SULF2: variants seen among roughly 807,000 people sequenced by gnomAD.
The protein encoded by SULF2 is sulfatase 2, also known as extracellular sulfatase Sulf-2.
SULF2 carries 52 observed loss-of-function variants against 107.7 expected under a neutral mutation model. The observed-to-expected ratio is 0.48, with a 90% confidence interval of 0.39 to 0.61. The LOEUF (loss-of-function observed/expected upper bound fraction) is 0.61, where lower values mean the gene tolerates loss of function less well. SULF2 is among the 20% of genes least tolerant of loss of function. The pLI, the probability that SULF2 is intolerant of heterozygous loss-of-function variation, is 0.00. For missense variants in SULF2, 993 were observed against 1,177.3 expected, an observed-to-expected ratio of 0.84 and a Z score of 2.29; for synonymous variants, 460 against 464.3, an observed-to-expected ratio of 0.99 and a Z score of 0.12.
At chr20:47,781,347 G>C (rs1439135014) in intron 1 of SULF2, among the ~76,000 whole-genome samples, 1 of 152,252 alleles carries the variant, frequency 6.6e-6, no homozygotes, top group Non-Finnish European at 1.5e-5. Context: ...TTTCACTGGG[G>C]ACTCCCCGTG....
rs142240427 is a variant in SULF2 at position 47,678,723 on chromosome 20, G to T, written c.1146C>A (p.Asp382Glu). 2 of 1,613,946 alleles carry T rather than the reference G, an allele frequency of 1.2e-6. No homozygotes were observed. The highest frequency in any genetic ancestry group is 1.7e-6 in the Non-Finnish European group (2 of 1,180,000). ...CCAGCAGCTTGAGGATGGATTTCCC[G>T]TCCATATCCGCAGGTATGTCCAGGC... The part of the protein sequence containing the change: ...IAGLDIPADM[D>E]GKSILKLLDT... The change falls in exon 8 of 21, where the codon GAC (aspartate) becomes GAA (glutamate). Residue 382 changes from aspartate (D) to glutamate (E), a missense_variant. Coordinates refer to ENST00000688720, the MANE Select transcript of SULF2 (RefSeq NM_001387048.1). The surrounding 1 kb of genome is among the most constrained non-coding windows in gnomAD (Gnocchi z 4.5).
chr20:47,752,315 G>A (rs2090174749), intron 2 of SULF2, among the ~76,000 whole-genome samples: 1 of 152,202 alleles, frequency 6.6e-6, no homozygotes, highest in Non-Finnish European at 1.5e-5. Context: ...GTAAACTGAG[G>A]CACAGAGAGG....
At chr20:47,736,633 G>A (rs2146786247) in intron 3 of SULF2, 70 bp downstream of exon 3, 2 of 1,593,414 alleles carry the variant, frequency 1.3e-6, no homozygotes, top group East Asian at 2.3e-5. Context: ...GCAGTGGTGT[G>A]CAGACCACAC....
intron 10 of SULF2, among the ~76,000 whole-genome samples, chr20:47,675,701 TG>T (rs2087617362): frequency 6.6e-6 from 1 of 152,170 alleles, no homozygotes; most frequent in East Asian, 1.9e-4. Flanking sequence ...CGGCACCCCT[TG>T]GGCCAGCCAA....
intron 15 of SULF2, 34 bp downstream of exon 15, chr20:47,664,096 G>C: frequency 6.2e-7 from 1 of 1,608,948 alleles, no homozygotes; most frequent in Non-Finnish European, 8.5e-7. Context: ...GCAGGCCTCT[G>C]CATCTCTTCC....
At chr20:47,744,021 C>T (rs912102581) in intron 2 of SULF2, among the ~76,000 whole-genome samples, 2 of 152,140 alleles carry the variant, frequency 1.3e-5, no homozygotes, top group Admixed American at 6.6e-5. Flanking sequence ...CTGGTGCTTC[C>T]GTGTGAGTAA....
chr20:47,766,503 T>G (rs529017580), intron 1 of SULF2, among the ~76,000 whole-genome samples: 7 of 152,150 alleles, frequency 4.6e-5, no homozygotes, highest in Non-Finnish European at 7.4e-5. Context: ...GGCATAAAGA[T>G]TGTAGGGCAA....
chr20:47,673,609 C>CT (rs967519029), intron 10 of SULF2, among the ~76,000 whole-genome samples: 10 of 152,272 alleles, frequency 6.6e-5, no homozygotes, highest in African/African-American at 2.4e-4. Context: ...GAGGCTGAAT[C>CT]TAATTGCATT....
intron 5 of SULF2, among the ~76,000 whole-genome samples, chr20:47,687,235 G>C (rs2088037652): frequency 6.6e-6 from 1 of 152,152 alleles, no homozygotes; most frequent in South Asian, 2.1e-4. Context: ...ACTGAGGCCA[G>C]AAGGCAGCAG....
At chr20:47,774,373 G>A (rs1452363724) in intron 1 of SULF2, among the ~76,000 whole-genome samples, 1 of 152,220 alleles carries the variant, frequency 6.6e-6, no homozygotes, top group East Asian at 1.9e-4. Context: ...GGTGAGGCGG[G>A]GTCTGGGAGG....
chr20:47,737,750 T>C lies in SULF2; in HGVS notation c.176-808A>G, dbSNP rs1600613591. Among the ~76,000 whole-genome samples the C allele has an allele frequency of 6.1e-5, 8 of 131,966 alleles. No individual in the cohort carries two copies. In the South Asian group the frequency reaches 1.9e-3, roughly 32 times the overall value. 86.6% of individuals were successfully genotyped at this position (131,966 alleles called of 152,430 possible). On this transcript the variant is annotated intron_variant, in intron 2 of 20. Transcript: ENST00000688720. ...CATGCCTGCTCTTGTTTCTTTCTTT[T>C]CTTTGTTTTTTTTTTTTTTTTTTTT...
chr20:47,707,376 C>T (rs1442136720), intron 3 of SULF2, among the ~76,000 whole-genome samples: 1 of 152,150 alleles, frequency 6.6e-6, no homozygotes, highest in Non-Finnish European at 1.5e-5. Flanking sequence ...CTTTTATCTC[C>T]CCTACACCAG....
At chr20:47,695,536 T>C (rs909497028) in intron 4 of SULF2, among the ~76,000 whole-genome samples, 4 of 152,228 alleles carry the variant, frequency 2.6e-5, no homozygotes, top group Admixed American at 1.3e-4. Flanking sequence ...CATGCAGTAT[T>C]TGTCCTTCTG....
chr20:47,718,587 G>A (rs1480698457), intron 3 of SULF2, among the ~76,000 whole-genome samples: 1 of 152,190 alleles, frequency 6.6e-6, no homozygotes, highest in Non-Finnish European at 1.5e-5. Context: ...GACCACAATC[G>A]TGGCAGGCGA....
In SULF2 at chr20:47,665,269, T is replaced by G; in HGVS notation, c.1927A>C (p.Lys643Gln). ...HEIETLQNKI[K>Q]NLREVRGHLK... ...TGACCTCGGACTTCCCTCAGGTTCTTAATTTTGTTCTGCAGGGTTTCAATC... is the reference window on the plus strand; with the variant it reads ...TGACCTCGGACTTCCCTCAGGTTCTGAATTTTGTTCTGCAGGGTTTCAATC... The change falls in exon 14 of 21, where the codon AAG (lysine) becomes CAG (glutamine). Residue 643 changes from lysine (K) to glutamine (Q), a missense_variant. By Grantham distance (53) the Lys-to-Gln change is moderately conservative (BLOSUM62 1). Transcript: ENST00000688720. 1 of 1,613,608 alleles carries G rather than the reference T, an allele frequency of 6.2e-7. No homozygotes were observed. Among genetic ancestry groups the G allele is most frequent in the Non-Finnish European group, 8.5e-7 (1 of 1,179,570 alleles).
chr20:47,761,975 T>G lies in SULF2; in HGVS notation c.-100-4512A>C, dbSNP rs1441074956. Among the ~76,000 whole-genome samples, 4 of 152,264 alleles carry G rather than the reference T, an allele frequency of 2.6e-5. No individual in the cohort carries two copies. In the South Asian group the frequency reaches 8.3e-4, roughly 32 times the overall value. On this transcript the variant is annotated intron_variant, in intron 1 of 20. Coordinates refer to ENST00000688720, the MANE Select transcript of SULF2 (RefSeq NM_001387048.1). The stretch of plus-strand genomic sequence containing the variant: ...TGAGATCTGACGGTTTTATAAAGGG[T>G]TTCCCCTTTTGCTTGGTTCTCATCT...
At chr20:47,672,541 G>A (rs1280199472) in intron 10 of SULF2, 148 bp from the exon 11 acceptor site, 10 of 1,416,418 alleles carry the variant, frequency 7.1e-6, no homozygotes, top group Middle Eastern at 2.6e-4. Flanking sequence ...CTCCAATGCC[G>A]CTTCTCTCCA....
chr20:47,712,415 C>T (rs1433541457), intron 3 of SULF2, among the ~76,000 whole-genome samples: 1 of 152,242 alleles, frequency 6.6e-6, no homozygotes, highest in Non-Finnish European at 1.5e-5. Context: ...GGTCACCCAT[C>T]CCTCTATAGT....
chr20:47,750,739 T>C (rs1429909782), intron 2 of SULF2, among the ~76,000 whole-genome samples: 2 of 152,168 alleles, frequency 1.3e-5, no homozygotes, highest in Non-Finnish European at 2.9e-5. Context: ...AACCACCACC[T>C]CCCTATTACC....
Sources: gnomAD v4.1 joint callset for allele counts (sites outside exome capture counted in the v4.1 genomes callset) on GRCh38, gnomAD v4.1.1 for gene constraint, Gnocchi (gnomAD v3.1) non-coding constraint, MANE v1.5 for transcripts, NCBI Gene and HGNC (gene_info 2026-07-23, HGNC 2026-07-21) for gene names.